The following HS2ST1 variants were observed in gnomAD, a reference collection of about 807,000 sequenced individuals.
The protein encoded by HS2ST1 is heparan sulfate 2-O-sulfotransferase 1.
In HS2ST1, 18 loss-of-function variants were observed where a neutral mutation model predicts 42.9. That is an observed-to-expected ratio of 0.42 (90% CI 0.29 to 0.62). The LOEUF (loss-of-function observed/expected upper bound fraction) is 0.62. HS2ST1 is among the 20% of genes least tolerant of loss of function. HS2ST1 has a pLI of 0.21. For synonymous variants in HS2ST1, 146 were observed against 152.9 expected (o/e 0.95, Z 0.33); for missense variants, 334 against 433.8 (o/e 0.77, Z 2.04).
chr1:87,072,902 A>G (rs756054488), intron 1 of HS2ST1, 32 bp from the exon 2 acceptor site: 2 of 1,510,902 alleles, frequency 1.3e-6, no homozygotes, highest in Non-Finnish European at 1.8e-6. Context: ...AGTGTCCTTA[A>G]AAACTTAGTT....
chr1:87,091,277 T>C (rs560744692), intron 3 of HS2ST1, among the ~76,000 whole-genome samples: 1 of 151,882 alleles, frequency 6.6e-6, no homozygotes, highest in East Asian at 1.9e-4. Flanking sequence ...CAAAGATATA[T>C]AAAGAGAAAT....
chr1:86,952,755 G>A (rs561630238), intron 1 of HS2ST1, among the ~76,000 whole-genome samples: 1 of 152,260 alleles, frequency 6.6e-6, no homozygotes, highest in South Asian at 2.1e-4. Flanking sequence ...CAGTAAACCG[G>A]GTGGTAAACT....
At chr1:86,972,605 A>G (rs1025679191) in intron 1 of HS2ST1, among the ~76,000 whole-genome samples, 1 of 152,190 alleles carries the variant, frequency 6.6e-6, no homozygotes, top group Admixed American at 6.5e-5. Context: ...CTTAGTACAT[A>G]TGTAGTGTTC....
At chr1:86,986,180 G>C (rs952575871) in intron 1 of HS2ST1, among the ~76,000 whole-genome samples, 1 of 151,502 alleles carries the variant, frequency 6.6e-6, no homozygotes, top group Admixed American at 6.6e-5. Flanking sequence ...ATTTTCTTAA[G>C]TATGTGATTT....
chr1:87,092,988 T>A (rs1025314781), intron 4 of HS2ST1, among the ~76,000 whole-genome samples: 1 of 152,114 alleles, frequency 6.6e-6, no homozygotes, highest in Non-Finnish European at 1.5e-5. Flanking sequence ...TTTTTGGTTC[T>A]CTAAGTATTG....
intron 1 of HS2ST1, among the ~76,000 whole-genome samples, chr1:86,980,788 A>G (rs761120881): frequency 1.4e-4 from 22 of 152,186 alleles, no homozygotes; most frequent in Non-Finnish European, 2.8e-4. Context: ...TCGGGGACAA[A>G]ATGGAAAGTA....
At position 87,103,426 on chromosome 1, in the gene HS2ST1, T is replaced by C; in HGVS notation, c.687-6T>C. The C allele has an allele frequency of 6.3e-7, 1 of 1,585,652 alleles. No individual in the cohort carries two copies. Among genetic ancestry groups the C allele is most frequent in the Non-Finnish European group, 8.6e-7 (1 of 1,169,328 alleles). ...CCAGGTTTTAATTCCTTTTCTTTGG[T>C]TTCAGGAATGTGGGAAGCAGGTGGG... On this transcript the variant is annotated splice_region_variant and splice_polypyrimidine_tract_variant and intron_variant, in intron 5 of 6. Transcript: ENST00000370550.
intron 1 of HS2ST1, chr1:87,064,557 C>T (rs1442179746): frequency 5.8e-6 from 3 of 515,440 alleles, no homozygotes; most frequent in Admixed American, 2.0e-5. Flanking sequence ...ATCTGGAAAC[C>T]ACACAAGAAA....
intron 3 of HS2ST1, among the ~76,000 whole-genome samples, chr1:87,090,383 C>A (rs1479736847): frequency 2.0e-5 from 3 of 151,948 alleles, no homozygotes; most frequent in African/African-American, 7.2e-5. Flanking sequence ...TTAAAAAAAA[C>A]TGTGAAAGAA....
chr1:86,966,581 A>T (rs1648055095), intron 1 of HS2ST1, among the ~76,000 whole-genome samples: 1 of 152,220 alleles, frequency 6.6e-6, no homozygotes, highest in African/African-American at 2.4e-5. Flanking sequence ...TGTTGAATAC[A>T]GTTTGTTAGT....
At chr1:86,972,039 G>A (rs768053544) in intron 1 of HS2ST1, among the ~76,000 whole-genome samples, 4 of 152,118 alleles carry the variant, frequency 2.6e-5, no homozygotes, top group Non-Finnish European at 4.4e-5. Flanking sequence ...GTAAAAGTTG[G>A]CATGATTTAA....
chr1:86,971,917 C>T (rs1267947029), intron 1 of HS2ST1, among the ~76,000 whole-genome samples: 1 of 152,124 alleles, frequency 6.6e-6, no homozygotes, highest in Non-Finnish European at 1.5e-5. Flanking sequence ...GTGTTTTGAA[C>T]TAGCTCTTTC....
chr1:87,047,366 A>C (rs1471172454), intron 1 of HS2ST1, among the ~76,000 whole-genome samples: 1 of 19,676 alleles, frequency 5.1e-5, no homozygotes, highest in Non-Finnish European at 1.1e-4. Flanking sequence ...TACATTTCAC[A>C]AATTTTTTTC....
intron 1 of HS2ST1, among the ~76,000 whole-genome samples, chr1:87,008,125 G>C (rs563040642): frequency 6.6e-6 from 1 of 152,238 alleles, no homozygotes; most frequent in African/African-American, 2.4e-5. Flanking sequence ...CTTGGACACT[G>C]CTTTTGGTCT....
intron 1 of HS2ST1, chr1:87,046,566 T>C (rs1408836741): frequency 1.3e-6 from 2 of 1,577,878 alleles, no homozygotes; most frequent in South Asian, 2.2e-5. Context: ...ATGGACAAAC[T>C]ATGGCGGAAA....
chr1:86,973,274 A>C (rs2102211779), intron 1 of HS2ST1, among the ~76,000 whole-genome samples: 1 of 151,884 alleles, frequency 6.6e-6, no homozygotes, highest in African/African-American at 2.4e-5. Flanking sequence ...TTTATCATTC[A>C]AAATCAATCT....
At chr1:86,936,674 T>G (rs1660660898) in intron 1 of HS2ST1, among the ~76,000 whole-genome samples, 2 of 152,176 alleles carry the variant, frequency 1.3e-5, no homozygotes, top group Non-Finnish European at 2.9e-5. Context: ...GAGTTTTAGG[T>G]TTCTTACTCA....
chr1:86,997,399 G>C (rs997506356), intron 1 of HS2ST1, among the ~76,000 whole-genome samples: 8 of 152,100 alleles, frequency 5.3e-5, no homozygotes, highest in African/African-American at 1.9e-4. Context: ...GATTGAGTTC[G>C]AATGCATAAG....
At chr1:86,981,686 C>T (rs936495826) in intron 1 of HS2ST1, among the ~76,000 whole-genome samples, 5 of 152,266 alleles carry the variant, frequency 3.3e-5, no homozygotes, top group African/African-American at 7.2e-5. Context: ...TAGGCTCCCA[C>T]GGCCTTGGGC....
Sources: allele counts gnomAD v4.1 joint callset (sites outside exome capture counted in the v4.1 genomes callset), GRCh38; gene constraint gnomAD v4.1.1; transcripts MANE v1.5; gene names NCBI Gene and HGNC (gene_info 2026-07-23, HGNC 2026-07-21).